PRKCH: variants seen among roughly 807,000 people sequenced by gnomAD.
The protein encoded by PRKCH is protein kinase C eta.
PRKCH carries 28 observed loss-of-function variants against 82.5 expected under a neutral mutation model. The observed-to-expected ratio is 0.34, with a 90% CI of 0.25 to 0.47. The LOEUF (loss-of-function observed/expected upper bound fraction) is 0.47. PRKCH is among the 20% of genes least tolerant of loss of function. The probability of loss-of-function intolerance (pLI) is 1.00; values close to 1 mark genes in which losing one functional copy is unlikely to be tolerated. For synonymous variants in PRKCH, 322 were observed against 327.4 expected (o/e 0.98, Z 0.18); for missense variants, 705 against 881.8 (o/e 0.80, Z 2.54).
chr14:61,390,634 A>G (rs1349157146), intron 1 of PRKCH: 1 of 152,708 alleles, frequency 6.5e-6, no homozygotes, highest in Non-Finnish European at 1.5e-5. Flanking sequence ...ATGCCACTGC[A>G]CTCCAGCCTG....
At chr14:61,241,856 G>A (rs184805737) in intron 1 of PRKCH, among the ~76,000 whole-genome samples, 18 of 152,278 alleles carry the variant, frequency 1.2e-4, no homozygotes, top group African/African-American at 1.9e-4. Context: ...ATAGAAGCGC[G>A]TTTTATGAGA....
At position 61,229,558 on chromosome 14, in the gene PRKCH, T is replaced by C. The variant is rs1483945097; in HGVS notation, c.-19+41890T>C. Among the ~76,000 whole-genome samples the C allele has an allele frequency of 5.3e-5, 8 of 152,166 alleles. No individual in the cohort carries two copies. The East Asian group carries it at 5.8e-4, about 11-fold the overall frequency. ...AATGGCTGTTTTACCCTTTGCTGAA[T>C]TGGAAGGAGCCTGTTTGATTAGAAC... On this transcript the variant is annotated intron_variant, in intron 1 of 3. Transcript: ENST00000555185.
At chr14:61,225,159 G>A (rs988039396) in intron 1 of PRKCH, among the ~76,000 whole-genome samples, 1 of 152,168 alleles carries the variant, frequency 6.6e-6, no homozygotes, top group East Asian at 1.9e-4. Context: ...AATTTGTTTT[G>A]ATCTGAGCCC....
intron 12 of PRKCH, chr14:61,544,945 C>T (rs1190046634): frequency 1.3e-5 from 2 of 152,352 alleles, no homozygotes; most frequent in Non-Finnish European, 2.9e-5. Context: ...ACTAGAAACT[C>T]TCCTAGTTGC....
chr14:61,283,747 G>A (rs2045291258), intron 1 of PRKCH, among the ~76,000 whole-genome samples: 1 of 152,150 alleles, frequency 6.6e-6, no homozygotes, highest in Non-Finnish European at 1.5e-5. Flanking sequence ...TACTCAAGAG[G>A]CTGAGGTGGG....
intron 12 of PRKCH, among the ~76,000 whole-genome samples, chr14:61,531,940 G>T (rs1009216394): frequency 4.6e-5 from 7 of 152,272 alleles, no homozygotes; most frequent in African/African-American, 1.4e-4. Context: ...TTAACTTCCT[G>T]AAGGGAAATG....
chr14:61,541,659 AT>A (rs2043187611), intron 12 of PRKCH, among the ~76,000 whole-genome samples: 1 of 152,220 alleles, frequency 6.6e-6, no homozygotes, highest in Non-Finnish European at 1.5e-5. Flanking sequence ...AGAAAATCTT[AT>A]TAGACTAATT....
intron 1 of PRKCH, among the ~76,000 whole-genome samples, chr14:61,302,502 A>G (rs2045455416): frequency 6.6e-6 from 1 of 152,174 alleles, no homozygotes; most frequent in Non-Finnish European, 1.5e-5. Context: ...TCTTTCTTCA[A>G]CATCTCAGCT....
intron 2 of PRKCH, among the ~76,000 whole-genome samples, chr14:61,431,998 C>G (rs1019644831): frequency 2.6e-5 from 4 of 151,722 alleles, no homozygotes; most frequent in Non-Finnish European, 5.9e-5. Context: ...GAGATTCTCC[C>G]TCTACCACTG....
rs200872199 is a variant in PRKCH at position 61,246,260 on chromosome 14, A to AAAT, written c.-19+58593_-19+58594insATA. On this transcript the variant is annotated intron_variant, in intron 1 of 3. Transcript: ENST00000555185. The stretch of plus-strand genomic sequence containing the variant: ...ATCTCTACTGGAAAAAAAAAAAAAA[A>AAAT]AGCCAGGTGTGGTGGCACGTGCCTG... Among the ~76,000 whole-genome samples the AAAT allele has an allele frequency of 5.9e-3, 891 of 150,468 alleles. 14 individuals carry two copies. Among genetic ancestry groups the AAAT allele is most frequent in the African/African-American group, 0.021 (844 of 40,812 alleles).
At chr14:61,440,449 C>G (rs1883902601) in intron 2 of PRKCH, among the ~76,000 whole-genome samples, 2 of 152,180 alleles carry the variant, frequency 1.3e-5, no homozygotes, top group Non-Finnish European at 2.9e-5. Context: ...ATAATTTTAA[C>G]TGTGCTGGAA....
intron 1 of PRKCH, among the ~76,000 whole-genome samples, chr14:61,239,887 C>A (rs1260615957): frequency 4.6e-5 from 7 of 152,194 alleles, no homozygotes; most frequent in Admixed American, 6.5e-5. Context: ...CAAGATCTGA[C>A]CCAGCACTGT....
intron 2 of PRKCH, among the ~76,000 whole-genome samples, chr14:61,439,255 T>C (rs1243530895): frequency 1.3e-5 from 2 of 152,210 alleles, no homozygotes; most frequent in African/African-American, 4.8e-5. Flanking sequence ...TCCCTCTGCA[T>C]TCCGATGGTG....
chr14:61,248,027 G>C (rs1322723088), intron 1 of PRKCH, among the ~76,000 whole-genome samples: 1 of 152,208 alleles, frequency 6.6e-6, no homozygotes, highest in African/African-American at 2.4e-5. Context: ...TGGTGCAGCT[G>C]TAAGACTTCC....
intron 1 of PRKCH, among the ~76,000 whole-genome samples, chr14:61,263,847 TTGTG>T (rs56280986): frequency 0.095 from 13,603 of 143,912 alleles, 528 homozygotes; most frequent in East Asian, 0.1. Context: ...AGTCAGAGTA[TTGTG>T]TGTGTGTGTG....
chr14:61,209,820 T>C (rs2140044595), intron 1 of PRKCH, among the ~76,000 whole-genome samples: 1 of 152,200 alleles, frequency 6.6e-6, no homozygotes. Context: ...CCCTCCCTCC[T>C]TTTGAACTCC....
At chr14:61,240,825 AC>A (rs2044830715) in intron 1 of PRKCH, among the ~76,000 whole-genome samples, 1 of 152,194 alleles carries the variant, frequency 6.6e-6, no homozygotes, top group Non-Finnish European at 1.5e-5. Flanking sequence ...CACTTCTGAC[AC>A]CAAATCTGAG....
At chr14:61,422,345 C>T (rs1688778620) in intron 2 of PRKCH, among the ~76,000 whole-genome samples, 1 of 152,202 alleles carries the variant, frequency 6.6e-6, no homozygotes, top group Admixed American at 6.5e-5. Context: ...CTGCCATGGC[C>T]TTACAAAGTG....
At chr14:61,432,072 T>C (rs1883425852) in intron 2 of PRKCH, among the ~76,000 whole-genome samples, 1 of 151,944 alleles carries the variant, frequency 6.6e-6, no homozygotes, top group African/African-American at 2.4e-5. Context: ...TCTCTCTTTT[T>C]TTTTTTTTTT....
Sources: gnomAD v4.1 joint callset for allele counts (sites outside exome capture counted in the v4.1 genomes callset) on GRCh38, gnomAD v4.1.1 for gene constraint, MANE v1.5 for transcripts, NCBI Gene and HGNC (gene_info 2026-07-23, HGNC 2026-07-21) for gene names.